TFAP2C: variants seen among roughly 807,000 people sequenced by gnomAD.
TFAP2C encodes transcription factor AP-2 gamma, also known as activating enhancer-binding protein 2 gamma.
A neutral mutation model predicts 42.9 loss-of-function variants in TFAP2C; 9 were observed. The observed-to-expected ratio is 0.21, with a 90% confidence interval of 0.13 to 0.37. TFAP2C has a LOEUF of 0.37. TFAP2C is among the 10% of genes least tolerant of loss of function. TFAP2C has a pLI of 1.00. For synonymous variants in TFAP2C, 264 were observed against 256.0 expected (o/e 1.03, Z -0.30); for missense variants, 462 against 591.7 (o/e 0.78, Z 2.27).
Position 56,630,804 on chromosome 20 carries a change from A to C in TFAP2C, c.49-401A>C, listed in dbSNP as rs1028284973. 1 of 985,180 alleles carries C rather than the reference A, an allele frequency of 1.0e-6. No individual in the cohort carries two copies. The highest frequency in any genetic ancestry group is 1.2e-6 in the Non-Finnish European group (1 of 829,892). 61.0% of individuals were successfully genotyped at this position (985,180 alleles called of 1,614,324 possible). A position where few individuals can be genotyped will look rare whatever the true frequency, so the allele number is the denominator to read the frequency against. On this transcript the variant is annotated intron_variant, in intron 1 of 6. Transcript: ENST00000201031. This position sits in a 1 kb window ranked among gnomAD's most constrained non-coding sequence, Gnocchi z 5.1. ...AGTCCCTGCGTCATGGGCGGGCTCC[A>C]CGAGATAGCTCTGCACCGGGCGTCC...
In TFAP2C at chr20:56,631,554, C is replaced by T. The variant is rs1447770534; in HGVS notation, c.398C>T (p.Ala133Val). ...GLLPHLSGLE[A>V]GAVSARRDAY... ...CTGCCCCACCTCTCCGGGCTGGAGG[C>T]GGGCGCGGTGAGCGCCCGCAGGGAT... Residue 133 changes from alanine to valine, a missense_variant, in exon 2 of 7, where the codon GCG becomes GTG. Transcript: ENST00000201031. This position sits in a 1 kb window ranked among gnomAD's most constrained non-coding sequence, Gnocchi z 6.1. 6 of 1,530,526 alleles carry T rather than the reference C, an allele frequency of 3.9e-6. No homozygotes were observed. The Admixed American group carries it at 6.0e-5, about 15-fold the overall frequency. The allele number at this position is 1,530,526 out of a possible 1,614,324, so 94.8% of individuals were successfully genotyped here.
rs769202169 is a variant in TFAP2C, at chr20:56,629,534, C to G, written c.-11C>G. 1 of 1,420,598 alleles carries G rather than the reference C, an allele frequency of 7.0e-7. No individual in the cohort carries two copies. The allele number at this position is 1,420,598 out of a possible 1,614,324, so 88.0% of individuals were successfully genotyped here. A position where few individuals can be genotyped will look rare whatever the true frequency, so the allele number is the denominator to read the frequency against. ...TTTAACTGGCGACTGTTTTGGGGGA[C>G]GCCGGACGCCATGTTGTGGAAAATA... On this transcript the variant is annotated 5_prime_UTR_variant, in exon 1 of 7. Coordinates refer to ENST00000201031, the MANE Select transcript of TFAP2C (RefSeq NM_003222.4). The surrounding 1 kb of genome is among the most constrained non-coding windows in gnomAD (Gnocchi z 5.9).
rs536337577 is a variant in TFAP2C at position 56,630,366 on chromosome 20, C to T, written c.48+774C>T. The T allele has an allele frequency of 6.5e-6, 3 of 458,212 alleles. No homozygotes were observed. The highest frequency in any genetic ancestry group is 7.2e-5 in the East Asian group (1 of 13,928). The allele number at this position is 458,212 out of a possible 1,614,324, so 28.4% of individuals were successfully genotyped here. On this transcript the variant is annotated intron_variant, in intron 1 of 6. Coordinates refer to ENST00000201031, the MANE Select transcript of TFAP2C (RefSeq NM_003222.4). The surrounding 1 kb of genome is among the most constrained non-coding windows in gnomAD (Gnocchi z 5.1). ...CGCCAGGAGGCGACAGCGCCATGTT[C>T]CTCCAGGTTCCCGGCGCCCCGAGAC...
At chr20:56,635,744 A>T (rs1198650905) in intron 5 of TFAP2C, among the ~76,000 whole-genome samples, 1 of 152,126 alleles carries the variant, frequency 6.6e-6, no homozygotes, top group East Asian at 1.9e-4. Context: ...TTTCAAGTTT[A>T]CTCATCTCAG....
In TFAP2C at chr20:56,636,629, T is replaced by C. The variant is rs1295853390; in HGVS notation, c.942T>C (p.Ala314=). ...TTCTAGGTGAAGCTGTTCATTTGGCTAGGGACTTTGCCTATGTCTGTGAAG... is the reference window on the plus strand; with the variant it reads ...TTCTAGGTGAAGCTGTTCATTTGGCCAGGGACTTTGCCTATGTCTGTGAAG... ...SLVEGEAVHL[A]RDFAYVCEAE... Residue 314 remains alanine, a synonymous_variant, in exon 6 of 7, where the codon GCT becomes GCC. Coordinates refer to ENST00000201031, the MANE Select transcript of TFAP2C (RefSeq NM_003222.4). 1.9e-6 allele frequency: 3 copies of C among 1,613,980 alleles called. No individual in the cohort carries two copies. The East Asian group carries it at 6.7e-5, about 36-fold the overall frequency.
Position 56,629,633 on chromosome 20 carries a change from A to G in TFAP2C, c.48+41A>G. On this transcript the variant is annotated intron_variant, in intron 1 of 6. Transcript: ENST00000201031. The surrounding 1 kb of genome is among the most constrained non-coding windows in gnomAD (Gnocchi z 5.9). ...GGGGTGCAGCCCCGCCCCGCCGAGG[A>G]CAGTCCGGGAGGCAGGGGCCACTGG... 1 of 1,386,910 alleles carries G rather than the reference A, an allele frequency of 7.2e-7. No individual in the cohort carries two copies. The highest frequency in any genetic ancestry group is 2.8e-5 in the East Asian group (1 of 36,240). The allele number at this position is 1,386,910 out of a possible 1,614,324, so 85.9% of individuals were successfully genotyped here.
chr20:56,630,005 T>TTGTC lies in TFAP2C; in HGVS notation c.48+414_48+417dup, dbSNP rs151166545. Among the ~76,000 whole-genome samples the TTGTC allele has an allele frequency of 8.6e-3, 1,313 of 152,052 alleles. 54 individuals carry two copies. The highest frequency in any genetic ancestry group is 0.069 in the Admixed American group (1,050 of 15,286). Reference sequence around the variant, plus strand: ...TGGCGGACACTCCTCCAAGGCCGGCTTGTCACCTGCCCCGCTACCTCCTCG... The same window carrying TTGTC: ...TGGCGGACACTCCTCCAAGGCCGGCTTGTCTGTCACCTGCCCCGCTACCTCCTCG... On this transcript the variant is annotated intron_variant, in intron 1 of 6. Coordinates refer to ENST00000201031, the MANE Select transcript of TFAP2C (RefSeq NM_003222.4). The surrounding 1 kb of genome is among the most constrained non-coding windows in gnomAD (Gnocchi z 5.1).
Position 56,634,254 on chromosome 20 carries a change from C to T in TFAP2C, c.908C>T (p.Thr303Ile). Residue 303 changes from threonine (T) to isoleucine (I), a missense_variant, in exon 5 of 7, where the codon ACA becomes ATA. Physicochemically the swap from Thr to Ile is moderately conservative, Grantham distance 89. Transcript: ENST00000201031. ...AAAGCCGCTCATGTGACTCTCCTGA[C>T]ATCCTTAGTAGAAGGTCAGTGGGGT... Reference protein sequence around the residue: ...RRKAAHVTLLTSLVEGEAVHL... With the variant: ...RRKAAHVTLLISLVEGEAVHL... 1 of 1,612,368 alleles carries T rather than the reference C, an allele frequency of 6.2e-7. No homozygotes were observed. Among genetic ancestry groups the T allele is most frequent in the Non-Finnish European group, 8.5e-7 (1 of 1,178,406 alleles).
Position 56,629,532 on chromosome 20 carries a change from G to A in TFAP2C, c.-13G>A. The stretch of plus-strand genomic sequence containing the variant: ...GATTTAACTGGCGACTGTTTTGGGG[G>A]ACGCCGGACGCCATGTTGTGGAAAA... On this transcript the variant is annotated 5_prime_UTR_variant, in exon 1 of 7. Coordinates refer to ENST00000201031, the MANE Select transcript of TFAP2C (RefSeq NM_003222.4). This position sits in a 1 kb window ranked among gnomAD's most constrained non-coding sequence, Gnocchi z 5.9. 2 of 1,420,084 alleles carry A rather than the reference G, an allele frequency of 1.4e-6. No homozygotes were observed. The highest frequency in any genetic ancestry group is 1.8e-5 in the South Asian group (1 of 56,430). 88.0% of individuals were successfully genotyped at this position (1,420,084 alleles called of 1,614,324 possible). A position where few individuals can be genotyped will look rare whatever the true frequency, so the allele number is the denominator to read the frequency against.
rs531109773 is a variant in TFAP2C, at chr20:56,633,889, G to GA, written c.804-257dup. Among the ~76,000 whole-genome samples the GA allele has an allele frequency of 7.9e-5, 12 of 152,276 alleles. No individual in the cohort carries two copies. The South Asian group carries it at 2.5e-3, about 32-fold the overall frequency. ...GTGGGGCCGTTGTAGTTTCACAAGT[G>GA]AAAATTTGTCTGCTCCCATACAATT... On this transcript the variant is annotated intron_variant, in intron 4 of 6. Coordinates refer to ENST00000201031, the MANE Select transcript of TFAP2C (RefSeq NM_003222.4).
Position 56,631,375 on chromosome 20 carries a change from C to G in TFAP2C, c.219C>G (p.Ala73=), listed in dbSNP as rs754355262. 1.2e-6 allele frequency: 2 copies of G among 1,611,320 alleles called. No individual in the cohort carries two copies. The highest frequency in any genetic ancestry group is 2.2e-5 in the East Asian group (1 of 44,708). The change falls in exon 2 of 7, where the codon GCC becomes GCG. Residue 73 remains alanine (A), a synonymous_variant. Coordinates refer to ENST00000201031, the MANE Select transcript of TFAP2C (RefSeq NM_003222.4). The surrounding 1 kb of genome is among the most constrained non-coding windows in gnomAD (Gnocchi z 6.1). ...PYQQLAYSQS[A]DPYSHLGEAY... ...AGCAGCTGGCCTACTCCCAGTCGGCCGACCCCTACTCGCATCTGGGGGAAG... is the reference window on the plus strand; with the variant it reads ...AGCAGCTGGCCTACTCCCAGTCGGCGGACCCCTACTCGCATCTGGGGGAAG...
In TFAP2C at chr20:56,630,434, C is replaced by T; in HGVS notation, c.49-771C>T. 1 of 424,364 alleles carries T rather than the reference C, an allele frequency of 2.4e-6. No individual in the cohort carries two copies. Among genetic ancestry groups the T allele is most frequent in the Non-Finnish European group, 4.9e-6 (1 of 205,016 alleles). 26.3% of individuals were successfully genotyped at this position (424,364 alleles called of 1,614,324 possible). ...CGCATCCTTTAGAAACTGAGTCGGG[C>T]CGCCCAGGGGCGAGGGAACGTGCGC... On this transcript the variant is annotated intron_variant, in intron 1 of 6. Transcript: ENST00000201031. This position sits in a 1 kb window ranked among gnomAD's most constrained non-coding sequence, Gnocchi z 5.1.
rs34794327 is a variant in TFAP2C at position 56,638,659 on chromosome 20, C to CTTTTT, written c.*663_*667dup. 1 of 124,574 alleles carries CTTTTT rather than the reference C, an allele frequency of 8.0e-6. No individual in the cohort carries two copies. The highest frequency in any genetic ancestry group is 8.3e-5 in the Admixed American group (1 of 11,994). The allele number at this position is 124,574 out of a possible 1,614,324, so 7.7% of individuals were successfully genotyped here. On this transcript the variant is annotated 3_prime_UTR_variant, in exon 7 of 7. Coordinates refer to ENST00000201031, the MANE Select transcript of TFAP2C (RefSeq NM_003222.4). Reference sequence around the variant, plus strand: ...AAGCCTGCTGATTGATTTTTTTCTCCTTTTTTTTTTTTTTTTTTTTTAACT... The same window carrying CTTTTT: ...AAGCCTGCTGATTGATTTTTTTCTCCTTTTTTTTTTTTTTTTTTTTTTTTTTAACT...
At chr20:56,633,640 A>AT in intron 4 of TFAP2C, 71 bp downstream of exon 4, 1 of 1,118,648 alleles carries the variant, frequency 8.9e-7, no homozygotes, top group Non-Finnish European at 1.3e-6. Flanking sequence ...CCCAGGAGGT[A>AT]TTTTTAACAT....
Position 56,631,709 on chromosome 20 carries a change from C to A in TFAP2C, c.534+19C>A. ...GGTGCAGGTGAGCGGCGCTGCGGCT[C>A]CTGACCGGACCTGTTCACCCTACGG... is the stretch of plus-strand genomic sequence containing the variant. On this transcript the variant is annotated intron_variant, in intron 2 of 6. Coordinates refer to ENST00000201031, the MANE Select transcript of TFAP2C (RefSeq NM_003222.4). The surrounding 1 kb of genome is among the most constrained non-coding windows in gnomAD (Gnocchi z 6.1). 6.2e-7 allele frequency: 1 copy of A among 1,600,110 alleles called. No individual in the cohort carries two copies. Among genetic ancestry groups the A allele is most frequent in the Non-Finnish European group, 8.5e-7 (1 of 1,172,930 alleles).
intron 4 of TFAP2C, among the ~76,000 whole-genome samples, chr20:56,633,892 A>C (rs1600898337): frequency 1.3e-5 from 2 of 152,218 alleles, no homozygotes; most frequent in Non-Finnish European, 2.9e-5. Flanking sequence ...CACAAGTGAA[A>C]ATTTGTCTGC....
chr20:56,630,664 C>A lies in TFAP2C; in HGVS notation c.49-541C>A. The A allele has an allele frequency of 2.0e-6, 2 of 982,894 alleles. No individual in the cohort carries two copies. Among genetic ancestry groups the A allele is most frequent in the Non-Finnish European group, 2.4e-6 (2 of 827,644 alleles). 60.9% of individuals were successfully genotyped at this position (982,894 alleles called of 1,614,324 possible). A position where few individuals can be genotyped will look rare whatever the true frequency, so the allele number is the denominator to read the frequency against. On this transcript the variant is annotated intron_variant, in intron 1 of 6. Coordinates refer to ENST00000201031, the MANE Select transcript of TFAP2C (RefSeq NM_003222.4). The surrounding 1 kb of genome is among the most constrained non-coding windows in gnomAD (Gnocchi z 5.1). ...GGCGGGCCCTGCTTTCCGAGCGCCG[C>A]CCGCTCGGAGGTCTTTGTCCCGAGG...
chr20:56,637,876 T>A lies in TFAP2C; in HGVS notation c.1216T>A (p.Cys406Ser). 2 of 1,601,452 alleles carry A rather than the reference T, an allele frequency of 1.2e-6. No individual in the cohort carries two copies. Among genetic ancestry groups the A allele is most frequent in the Non-Finnish European group, 1.7e-6 (2 of 1,168,388 alleles). Residue 406 changes from cysteine to serine, a missense_variant, in exon 7 of 7, where the codon TGT becomes AGT. By Grantham distance (112) the Cys-to-Ser change is moderately radical. Transcript: ENST00000201031. ...ITHGFGSQAI[C>S]AAVSALQNYI... ...CCACGGGTTTGGCAGCCAGGCCATC[T>A]GTGCCGCGGTGTCTGCCCTGCAGAA...
chr20:56,634,314 C>T (rs1210019512), intron 5 of TFAP2C, 46 bp downstream of exon 5: 7 of 1,395,662 alleles, frequency 5.0e-6, no homozygotes, highest in Non-Finnish European at 6.1e-6. Flanking sequence ...TAATTTGTGC[C>T]TGTGTCTTTA....
Sources: allele counts gnomAD v4.1 joint callset (sites outside exome capture counted in the v4.1 genomes callset), GRCh38; gene constraint gnomAD v4.1.1; non-coding constraint Gnocchi (gnomAD v3.1); transcripts MANE v1.5; gene names NCBI Gene and HGNC (gene_info 2026-07-23, HGNC 2026-07-21).